The following RAD52 variants were observed in gnomAD, a reference collection of about 807,000 sequenced individuals.
RAD52 encodes the protein RAD52 DNA repair protein.
A neutral mutation model predicts 55.5 loss-of-function variants in RAD52; 47 were observed. The observed-to-expected ratio is 0.85, with a 90% CI of 0.67 to 1.08. The LOEUF (loss-of-function observed/expected upper bound fraction) is 1.08. RAD52 is among the 50% of genes least tolerant of loss of function. RAD52 has a pLI of 0.00. For synonymous variants in RAD52, 184 were observed against 198.9 expected (o/e 0.92, Z 0.63); for missense variants, 468 against 522.8 (o/e 0.90, Z 1.02).
At chr12:973,259 C>T (rs747328981) in intron 1 of RAD52, among the ~76,000 whole-genome samples, 8 of 151,474 alleles carry the variant, frequency 5.3e-5, no homozygotes, top group East Asian at 2.0e-4. Context: ...TTAGTAGAGA[C>T]GGGGTTTCAT....
chr12:949,408 G>A (rs1331479030), intron 1 of RAD52, 194 bp downstream of exon 1: 6 of 152,380 alleles, frequency 3.9e-5, no homozygotes, highest in Admixed American at 3.9e-4. Flanking sequence ...CCCACCTCTC[G>A]GGAGGCCCGG....
chr12:951,122 A>G (rs78081917), upstream of RAD52, among the ~76,000 whole-genome samples: 1 of 151,498 alleles, frequency 6.6e-6, no homozygotes, highest in African/African-American at 2.4e-5. Flanking sequence ...TTTTTTTTAA[A>G]GAGTCAGGGT....
chr12:942,720 C>G (rs896435613), intron 1 of RAD52, among the ~76,000 whole-genome samples: 2 of 151,526 alleles, frequency 1.3e-5, no homozygotes, highest in Non-Finnish European at 2.9e-5. Context: ...CGCACTCCAG[C>G]CTGGACGACA....
At chr12:991,078 C>T (rs1449506356), upstream of RAD52, 1 of 151,506 alleles carries the variant, frequency 6.6e-6, no homozygotes, top group African/African-American at 2.4e-5. Flanking sequence ...CGCCCGGAGG[C>T]CCCCGGGCCG....
At chr12:988,719 A>G (rs957910356) in intron 1 of RAD52, among the ~76,000 whole-genome samples, 2 of 152,174 alleles carry the variant, frequency 1.3e-5, no homozygotes, top group African/African-American at 4.8e-5. Context: ...TGGCTTTACA[A>G]CAAACCACTC....
rs1191594537 is a variant in RAD52 at position 920,419 on chromosome 12, A to C, written c.544-3599T>G. On this transcript the variant is annotated intron_variant, in intron 7 of 11. Transcript: ENST00000358495. ...AAAATACAAAAAATTAGCCGGGCGT[A>C]GGTGGCGGGCGCCTGTAGTCCCAGC... 3.8e-5 allele frequency among the ~76,000 whole-genome samples: 2 copies of C among 52,920 alleles called. 1 individual carries two copies. The highest frequency in any genetic ancestry group is 1.6e-3 in the South Asian group (2 of 1,224). The allele number at this position is 52,920 out of a possible 152,430, so 34.7% of individuals were successfully genotyped here. A position where few individuals can be genotyped will look rare whatever the true frequency, so the allele number is the denominator to read the frequency against.
At chr12:973,752 T>A (rs989117493) in intron 1 of RAD52, among the ~76,000 whole-genome samples, 2 of 150,272 alleles carry the variant, frequency 1.3e-5, no homozygotes, top group African/African-American at 4.9e-5. Context: ...ATGTTCGGAT[T>A]ACAGGCATGA....
chr12:915,709 GTTTTTTTTTT>G (rs1956325556), intron 9 of RAD52, among the ~76,000 whole-genome samples: 1 of 121,172 alleles, frequency 8.3e-6, no homozygotes, highest in South Asian at 2.4e-4. Flanking sequence ...CACAAGGCTT[GTTTTTTTTTT>G]GTTTTGTTTT....
chr12:982,087 ATCTCCTTTGGGATCAG>A (rs1373747398), intron 1 of RAD52, among the ~76,000 whole-genome samples: 8 of 152,100 alleles, frequency 5.3e-5, no homozygotes, highest in Non-Finnish European at 1.0e-4. Context: ...TGCTAACTGA[ATCTCCTTTGGGATCAG>A]TCTTCCCTTT....
intron 1 of RAD52, among the ~76,000 whole-genome samples, chr12:983,953 C>G (rs1959053414): frequency 6.6e-6 from 1 of 152,120 alleles, no homozygotes. Context: ...GTAATGGATG[C>G]ACATAAGTTT....
At chr12:955,678 T>C (rs1371323383) in intron 1 of RAD52, among the ~76,000 whole-genome samples, 2 of 152,062 alleles carry the variant, frequency 1.3e-5, no homozygotes, top group African/African-American at 4.8e-5. Context: ...TTCACCATAT[T>C]GGCCAGGCTG....
upstream of RAD52, among the ~76,000 whole-genome samples, chr12:950,434 G>T (rs1482786604): frequency 6.6e-6 from 1 of 152,032 alleles, no homozygotes; most frequent in East Asian, 1.9e-4. Context: ...AGCCGGGCGT[G>T]GTGGCGGGCG....
chr12:945,266 G>A (rs1486985519), intron 1 of RAD52, among the ~76,000 whole-genome samples: 3 of 151,388 alleles, frequency 2.0e-5, no homozygotes, highest in African/African-American at 7.3e-5. Context: ...CACAAGAATC[G>A]CTTGAATCCA....
intron 1 of RAD52, chr12:975,756 A>G (rs1459425516): frequency 6.6e-6 from 1 of 152,206 alleles, no homozygotes; most frequent in Non-Finnish European, 1.5e-5. Context: ...TGAAACAATC[A>G]AAGTTTCAAC....
Position 916,396 on chromosome 12 carries a change from C to G in RAD52, c.813G>C (p.Arg271=). Reference sequence around the variant, plus strand: ...AGACTCGAACCTGCTGCTTCTCCATCCGCTCCCGGAACTGCTGCTGCAGCT... The same window carrying G: ...AGACTCGAACCTGCTGCTTCTCCATGCGCTCCCGGAACTGCTGCTGCAGCT... ...QKQLQQQFRE[R]MEKQQVRVST... is the part of the protein sequence containing the mutation. The change falls in exon 9 of 12, where the codon CGG becomes CGC. Residue 271 remains arginine, a synonymous_variant. Coordinates refer to ENST00000358495, the MANE Select transcript of RAD52 (RefSeq NM_134424.4). The G allele has an allele frequency of 6.2e-7, 1 of 1,609,012 alleles. No individual in the cohort carries two copies.
chr12:931,443 G>T, intron 2 of RAD52, 122 bp from the exon 3 acceptor site: 1 of 655,100 alleles, frequency 1.5e-6, no homozygotes. Flanking sequence ...GTTTATGTGG[G>T]TTCTATGTAT....
chr12:971,522 A>T (rs1958852160), intron 1 of RAD52, among the ~76,000 whole-genome samples: 1 of 152,162 alleles, frequency 6.6e-6, no homozygotes, highest in South Asian at 2.1e-4. Context: ...CAAAAAGGTG[A>T]ATAAACCTGA....
chr12:947,282 C>A (rs912234017), intron 1 of RAD52, among the ~76,000 whole-genome samples: 1 of 151,842 alleles, frequency 6.6e-6, no homozygotes, highest in South Asian at 2.1e-4. Context: ...GTCAAGATCT[C>A]GCCACTGCAG....
Position 916,621 on chromosome 12 carries a change from G to A in RAD52, c.725+18C>T. The A allele has an allele frequency of 6.2e-7, 1 of 1,608,032 alleles. No homozygotes were observed. Among genetic ancestry groups the A allele is most frequent in the Non-Finnish European group, 8.5e-7 (1 of 1,175,898 alleles). On this transcript the variant is annotated intron_variant, in intron 8 of 11. Transcript: ENST00000358495. ...CAGGAGGGGCCGCAGAGGAAAGGAG[G>A]GGACTTAGGCCGCATACCGGGAGCT...
Sources: gnomAD v4.1 joint callset for allele counts (sites outside exome capture counted in the v4.1 genomes callset) on GRCh38, gnomAD v4.1.1 for gene constraint, MANE v1.5 for transcripts, NCBI Gene and HGNC (gene_info 2026-07-23, HGNC 2026-07-21) for gene names.